The following RPH3A variants were observed in gnomAD, a reference collection of about 807,000 sequenced individuals.
The protein encoded by RPH3A is rabphilin 3A, also known as rabphilin-3A.
A neutral mutation model predicts 102.2 loss-of-function variants in RPH3A; 48 were observed. The ratio of observed to expected loss-of-function variants is 0.47; its 90% CI spans 0.37 to 0.60. The LOEUF (loss-of-function observed/expected upper bound fraction) is 0.60, where lower values mean the gene tolerates loss of function less well. Ranked by LOEUF, RPH3A falls within the 20% of genes least tolerant of loss-of-function variation. The pLI is 0.00. For missense variants in RPH3A, 781 were observed against 910.1 expected, an observed-to-expected ratio of 0.86 and a Z score of 1.83; for synonymous variants, 310 against 324.3, an observed-to-expected ratio of 0.96 and a Z score of 0.47.
intron 6 of RPH3A, among the ~76,000 whole-genome samples, chr12:112,865,992 C>G (rs2042604869): frequency 6.6e-6 from 1 of 152,150 alleles, no homozygotes; most frequent in Non-Finnish European, 1.5e-5. Context: ...ATTTGGCTTC[C>G]AAAGCATTTG....
chr12:112,891,973 G>A (rs574456682), intron 19 of RPH3A, among the ~76,000 whole-genome samples: 2 of 152,330 alleles, frequency 1.3e-5, no homozygotes, highest in South Asian at 4.1e-4. Flanking sequence ...TTCTCATTCA[G>A]TTTCTTCATT....
chr12:112,643,220 A>C (rs1238881262), intron 1 of RPH3A, among the ~76,000 whole-genome samples: 1 of 152,210 alleles, frequency 6.6e-6, no homozygotes, highest in Non-Finnish European at 1.5e-5. Flanking sequence ...GAGGATGAAG[A>C]GGTCTGGAAG....
chr12:112,828,449 C>T (rs1014490968), intron 3 of RPH3A, 60 bp downstream of exon 3: 14 of 1,252,124 alleles, frequency 1.1e-5, no homozygotes, highest in South Asian at 1.4e-5. Context: ...TTTGACAATT[C>T]TACACTTGAA....
chr12:112,870,324 A>AC (rs1231047804), intron 10 of RPH3A, among the ~76,000 whole-genome samples: 1 of 151,744 alleles, frequency 6.6e-6, no homozygotes, highest in African/African-American at 2.4e-5. Context: ...AAAAAAAAAA[A>AC]AAAAACCCTG....
intron 1 of RPH3A, among the ~76,000 whole-genome samples, chr12:112,664,417 G>A (rs904962263): frequency 6.6e-6 from 1 of 152,308 alleles, no homozygotes; most frequent in South Asian, 2.1e-4. Flanking sequence ...GAACTGGATG[G>A]CAGGGAGACC....
intron 1 of RPH3A, among the ~76,000 whole-genome samples, chr12:112,679,715 C>T (rs74237650): frequency 0.23 from 34,460 of 152,156 alleles, 4,596 homozygotes; most frequent in Admixed American, 0.31. Flanking sequence ...CATGAGCCAC[C>T]ACACCCGGCC....
chr12:112,647,605 ATGTG>A (rs34686040), intron 1 of RPH3A, among the ~76,000 whole-genome samples: 13 of 149,562 alleles, frequency 8.7e-5, no homozygotes, highest in Non-Finnish European at 1.0e-4. Context: ...GTGTGTGTGT[ATGTG>A]TGTGTGTGTG....
chr12:112,686,403 AGTCAGG>A (rs1476633208), intron 1 of RPH3A, among the ~76,000 whole-genome samples: 1 of 152,130 alleles, frequency 6.6e-6, no homozygotes, highest in Non-Finnish European at 1.5e-5. Flanking sequence ...TTATTTATTC[AGTCAGG>A]GTCATCCATG....
chr12:112,878,040 A>G (rs1030720916), intron 13 of RPH3A, among the ~76,000 whole-genome samples: 3 of 152,220 alleles, frequency 2.0e-5, no homozygotes, highest in South Asian at 2.1e-4. Context: ...CTGGTGGTCA[A>G]TCACACAGCT....
At chr12:112,689,774 C>T (rs920426847) in intron 1 of RPH3A, among the ~76,000 whole-genome samples, 6 of 152,152 alleles carry the variant, frequency 3.9e-5, no homozygotes. Flanking sequence ...AGGGAGAGGA[C>T]AGGAGTAGGG....
chr12:112,748,103 G>A (rs995458897), intron 1 of RPH3A, among the ~76,000 whole-genome samples: 3 of 151,896 alleles, frequency 2.0e-5, no homozygotes, highest in Non-Finnish European at 4.4e-5. Flanking sequence ...AAAGACTTGC[G>A]GGGCAGCTGG....
At chr12:112,825,137 G>A (rs371018736) in intron 2 of RPH3A, among the ~76,000 whole-genome samples, 1 of 151,772 alleles carries the variant, frequency 6.6e-6, no homozygotes, top group Non-Finnish European at 1.5e-5. Flanking sequence ...TCTCACCACA[G>A]GCAATAATGA....
At chr12:112,723,443 T>C (rs1410556727) in intron 1 of RPH3A, among the ~76,000 whole-genome samples, 2 of 152,240 alleles carry the variant, frequency 1.3e-5, no homozygotes, top group African/African-American at 4.8e-5. Context: ...GTTTACAAGA[T>C]GAATCATCTG....
At chr12:112,649,238 G>A (rs1049026729) in intron 1 of RPH3A, among the ~76,000 whole-genome samples, 10 of 152,232 alleles carry the variant, frequency 6.6e-5, no homozygotes, top group Non-Finnish European at 1.5e-4. Context: ...AGTTGGAAAA[G>A]TTCGTGTCCA....
At position 112,898,648 on chromosome 12, in the gene RPH3A, T is replaced by C. The variant is rs2136281364; in HGVS notation, c.*1868T>C. 6.6e-6 allele frequency: 1 copy of C among 152,340 alleles called. No individual in the cohort carries two copies. Among genetic ancestry groups the C allele is most frequent in the South Asian group, 2.1e-4 (1 of 4,818 alleles). 9.4% of individuals were successfully genotyped at this position (152,340 alleles called of 1,614,324 possible). ...CTCAGCCCACCTCCCTCACCACAGT[T>C]TCCCCTTAGGAGACAGCATGCTGGC... On this transcript the variant is annotated 3_prime_UTR_variant, in exon 22 of 22. Transcript: ENST00000389385.
intron 1 of RPH3A, among the ~76,000 whole-genome samples, chr12:112,698,540 C>T (rs1010291886): frequency 1.4e-5 from 2 of 140,544 alleles, no homozygotes; most frequent in Non-Finnish European, 3.1e-5. Context: ...GCTTTTTAAA[C>T]CATAAAATAA....
intron 1 of RPH3A, among the ~76,000 whole-genome samples, chr12:112,673,700 CTT>C (rs1286492043): frequency 6.6e-6 from 1 of 152,152 alleles, no homozygotes; most frequent in Non-Finnish European, 1.5e-5. Flanking sequence ...CAATCACACT[CTT>C]TGTTTTAAAA....
At chr12:112,632,659 G>A (rs2039815100) in intron 1 of RPH3A, among the ~76,000 whole-genome samples, 2 of 152,130 alleles carry the variant, frequency 1.3e-5, no homozygotes, top group South Asian at 4.1e-4. Context: ...CCACAAAGGC[G>A]TTTTTGTGTC....
intron 15 of RPH3A, among the ~76,000 whole-genome samples, 160 bp from the exon 16 acceptor site, chr12:112,883,133 A>T (rs1006065990): frequency 6.6e-6 from 1 of 152,152 alleles, no homozygotes; most frequent in Non-Finnish European, 1.5e-5. Flanking sequence ...CCTAGAGGAC[A>T]TCCCCCACTC....
Sources: gnomAD v4.1 joint callset for allele counts (sites outside exome capture counted in the v4.1 genomes callset) on GRCh38, gnomAD v4.1.1 for gene constraint, MANE v1.5 for transcripts, NCBI Gene and HGNC (gene_info 2026-07-23, HGNC 2026-07-21) for gene names.